MGAM: variants seen among roughly 807,000 people sequenced by gnomAD.
MGAM encodes alpha-1,4-glucosidase.
MGAM carries 253 observed loss-of-function variants against 358.8 expected under a neutral mutation model. The observed-to-expected ratio is 0.71, with a 90% CI of 0.64 to 0.78. The LOEUF (loss-of-function observed/expected upper bound fraction) is 0.78, where lower values mean the gene tolerates loss of function less well. Among genes scored for constraint, MGAM ranks in the 30% least tolerant of loss-of-function variants. The probability of loss-of-function intolerance (pLI) is 0.00; values close to 1 mark genes in which losing one functional copy is unlikely to be tolerated. For synonymous variants in MGAM, 1,105 were observed against 1,227.1 expected (o/e 0.90, Z 2.08); for missense variants, 3,080 against 3,432.6 (o/e 0.90, Z 2.57).
At chr7:142,064,578 T>G in intron 37 of MGAM, 56 bp downstream of exon 37, 2 of 1,542,498 alleles carry the variant, frequency 1.3e-6, no homozygotes, top group Non-Finnish European at 1.8e-6. Context: ...TGCCAGTGAC[T>G]GACATAGCTA....
intron 22 of MGAM, among the ~76,000 whole-genome samples, 181 bp from the exon 23 acceptor site, chr7:142,050,054 A>G (rs1810789888): frequency 6.6e-6 from 1 of 152,228 alleles, no homozygotes; most frequent in Non-Finnish European, 1.5e-5. Context: ...CTAATTATAC[A>G]TTGATGAATG....
intron 43 of MGAM, 71 bp downstream of exon 43, chr7:142,068,774 C>A (rs1585052087): frequency 8.1e-7 from 1 of 1,234,934 alleles, no homozygotes. Flanking sequence ...GTCCGATAGA[C>A]CTTAGGTCAA....
At chr7:142,046,057 G>GTAATATATATTATATTACATACAATATA (rs1439188978) in intron 21 of MGAM, among the ~76,000 whole-genome samples, 11 of 83,142 alleles carry the variant, frequency 1.3e-4, no homozygotes, top group African/African-American at 3.7e-4. Context: ...CATACAATAT[G>GTAATATATATTATATTACATACAATATA]TAATATAATA....
At chr7:142,013,675 G>A (rs187082092) in intron 3 of MGAM, among the ~76,000 whole-genome samples, 9 of 152,252 alleles carry the variant, frequency 5.9e-5, no homozygotes, top group East Asian at 1.9e-4. Context: ...ACAAAAATAT[G>A]TGAGAAAGTA....
Position 142,082,225 on chromosome 7 carries a change from T to C in MGAM, c.6171+15T>C. On this transcript the variant is annotated intron_variant, in intron 51 of 70. Transcript: ENST00000475668. ...AGCCCCCAGGGGTAAGGACAGAGCA[T>C]TTGAGATCTGTGTCTCTGCTTCTCT... is the stretch of plus-strand genomic sequence containing the variant. The C allele has an allele frequency of 6.5e-7, 1 of 1,548,776 alleles. No homozygotes were observed. Among genetic ancestry groups the C allele is most frequent in the Middle Eastern group, 1.7e-4 (1 of 5,918 alleles).
At chr7:142,053,909 G>C (rs1338036936) in intron 26 of MGAM, among the ~76,000 whole-genome samples, 2 of 152,142 alleles carry the variant, frequency 1.3e-5, no homozygotes, top group Non-Finnish European at 2.9e-5. Flanking sequence ...CTTCCCTGGA[G>C]TTCTAGCCTT....
chr7:141,989,899 C>T (rs1251191554), intron 2 of MGAM, among the ~76,000 whole-genome samples: 1 of 152,166 alleles, frequency 6.6e-6, no homozygotes, highest in Non-Finnish European at 1.5e-5. Flanking sequence ...CTGGTAAAAT[C>T]CACACAGATA....
At chr7:142,080,212 C>T (rs1365198344) in intron 49 of MGAM, among the ~76,000 whole-genome samples, 1 of 146,466 alleles carries the variant, frequency 6.8e-6, no homozygotes, top group Admixed American at 6.9e-5. Flanking sequence ...ACATAGCTCT[C>T]CCTTAGCACA....
At chr7:142,095,802 G>T (rs1464865330) in intron 64 of MGAM, 89 bp downstream of exon 64, 21 of 1,559,510 alleles carry the variant, frequency 1.3e-5, no homozygotes, top group Non-Finnish European at 1.7e-5. Flanking sequence ...TTAAAGACAT[G>T]ATTGCCTTTT....
intron 21 of MGAM, among the ~76,000 whole-genome samples, chr7:142,045,532 A>T (rs1240645353): frequency 1.2e-5 from 1 of 84,084 alleles, no homozygotes; most frequent in Non-Finnish European, 1.9e-5. Context: ...ATATGATATA[A>T]TATATATTAT....
chr7:142,005,572 T>G lies in MGAM; in HGVS notation c.42T>G (p.Ile14Met), dbSNP rs782787898. ...KKLKKFTTLE[I>M]VLSVLLLVLF... The stretch of plus-strand genomic sequence containing the variant: ...TGAAAAAATTTACTACTTTGGAGAT[T>G]GTGCTCAGTGTTCTTCTGCTTGTGT... The change falls in exon 2 of 71, where the codon ATT becomes ATG. Residue 14 changes from isoleucine (I) to methionine (M), a missense_variant. Around this residue, in one of 5 missense-constraint regions of MGAM, gnomAD observed 1,816 missense variants for 1,840.5 expected, o/e 0.99. Transcript: ENST00000475668. 7.0e-6 allele frequency: 11 copies of G among 1,579,694 alleles called. No individual in the cohort carries two copies. The East Asian group carries it at 2.5e-4, about 36-fold the overall frequency.
At chr7:142,069,628 C>G (rs1462907364) in intron 43 of MGAM, among the ~76,000 whole-genome samples, 1 of 145,488 alleles carries the variant, frequency 6.9e-6, no homozygotes, top group Non-Finnish European at 1.6e-5. Context: ...TTTGTTCCTT[C>G]TCTTCTCAGT....
intron 55 of MGAM, 82 bp downstream of exon 55, chr7:142,086,043 T>A (rs1814722467): frequency 6.6e-7 from 1 of 1,507,798 alleles, no homozygotes; most frequent in African/African-American, 1.4e-5. Flanking sequence ...TTTATTTCCA[T>A]GTTGCAAGTA....
At chr7:142,080,719 CA>C in intron 49 of MGAM, 71 bp from the exon 50 acceptor site, 1 of 1,327,256 alleles carries the variant, frequency 7.5e-7, no homozygotes, top group Non-Finnish European at 1.0e-6. Flanking sequence ...GTCCAAAAAT[CA>C]AAAAGGTTCT....
At chr7:142,024,575 C>T (rs1806779976) in intron 7 of MGAM, among the ~76,000 whole-genome samples, 1 of 152,142 alleles carries the variant, frequency 6.6e-6, no homozygotes, top group Non-Finnish European at 1.5e-5. Context: ...CTGCTTCTAC[C>T]TCTAGGGATT....
intron 44 of MGAM, 111 bp downstream of exon 44, chr7:142,071,229 A>G: frequency 1.6e-6 from 2 of 1,243,782 alleles, no homozygotes; most frequent in Non-Finnish European, 2.2e-6. Context: ...ATTCTACTCA[A>G]CACTTGTTTT....
Position 142,100,708 on chromosome 7 carries a change from C to T in MGAM, c.7875-94C>T, listed in dbSNP as rs547416371. 6.7e-6 allele frequency: 7 copies of T among 1,050,360 alleles called. No homozygotes were observed. The East Asian group carries it at 1.8e-4, about 27-fold the overall frequency. 65.1% of individuals were successfully genotyped at this position (1,050,360 alleles called of 1,614,324 possible). On this transcript the variant is annotated intron_variant, in intron 67 of 70. Transcript: ENST00000475668. The stretch of plus-strand genomic sequence containing the variant: ...AGTATGCAGTCTTTATCCCCCAAAG[C>T]ACTTCCCTTTGCTGCTTTATGTTTG...
chr7:142,068,652 C>T lies in MGAM; in HGVS notation c.5010C>T (p.Ala1670=), dbSNP rs752504264. ...FLVSPVLERN[A]RNVTAYFPRA... ...TTGTTTGTGTTTCATTTTAGAATGC[C>T]AGAAATGTCACTGCATATTTCCCTA... The change falls in exon 43 of 71, where the codon GCC becomes GCT. Residue 1670 remains alanine (A), a synonymous_variant. Coordinates refer to ENST00000475668, the MANE Select transcript of MGAM (RefSeq NM_001365693.1). 1 of 1,538,310 alleles carries T rather than the reference C, an allele frequency of 6.5e-7. No individual in the cohort carries two copies. Among genetic ancestry groups the T allele is most frequent in the Non-Finnish European group, 8.9e-7 (1 of 1,118,422 alleles).
chr7:141,993,389 C>T (rs145888775), upstream of MGAM, among the ~76,000 whole-genome samples: 2 of 152,282 alleles, frequency 1.3e-5, no homozygotes, highest in East Asian at 3.9e-4. Flanking sequence ...TATACAGATA[C>T]AAGCTCCATT....
Sources: gnomAD v4.1 joint callset for allele counts (sites outside exome capture counted in the v4.1 genomes callset) on GRCh38, gnomAD v4.1.1 for gene constraint, gnomAD v4.1.1 regional missense constraint, MANE v1.5 for transcripts, NCBI Gene and HGNC (gene_info 2026-07-23, HGNC 2026-07-21) for gene names.